The following SDK1 variants were observed in gnomAD, a reference collection of about 807,000 sequenced individuals.
SDK1 encodes the protein protein sidekick-1.
In SDK1, 157 loss-of-function variants were observed where a neutral mutation model predicts 245.5. The ratio of observed to expected loss-of-function variants is 0.64; its 90% confidence interval spans 0.56 to 0.73. The LOEUF is 0.73. Ranked by LOEUF, SDK1 falls within the 30% of genes least tolerant of loss-of-function variation. The probability of loss-of-function intolerance (pLI) is 0.00; values close to 1 mark genes in which losing one functional copy is unlikely to be tolerated. For missense variants in SDK1, 3,583 were observed against 3,002.3 expected, an observed-to-expected ratio of 1.19 and a Z score of -4.52; for synonymous variants, 1,647 against 1,278.5, an observed-to-expected ratio of 1.29 and a Z score of -6.15.
intron 4 of SDK1, among the ~76,000 whole-genome samples, chr7:3,707,589 C>T (rs1369841208): frequency 6.6e-6 from 1 of 152,116 alleles, no homozygotes; most frequent in African/African-American, 2.4e-5. Flanking sequence ...GAGTTTAAGT[C>T]CATTGTTTGT....
intron 1 of SDK1, among the ~76,000 whole-genome samples, chr7:3,347,272 C>T (rs1198787950): frequency 6.7e-6 from 1 of 149,920 alleles, no homozygotes; most frequent in Non-Finnish European, 1.5e-5. Flanking sequence ...CAACACTTGG[C>T]ACATATCTTC....
intron 28 of SDK1, among the ~76,000 whole-genome samples, chr7:4,139,914 C>G (rs2527829): frequency 0.76 from 114,802 of 152,034 alleles, 43,436 homozygotes; most frequent in East Asian, 0.89. Context: ...TCGATGGGAA[C>G]GATCTGGTAA....
intron 1 of SDK1, among the ~76,000 whole-genome samples, chr7:3,508,433 T>C (rs1465535566): frequency 6.6e-6 from 1 of 151,292 alleles, no homozygotes; most frequent in Non-Finnish European, 1.5e-5. Context: ...GTTCAAACAA[T>C]TCTCCTGCCT....
At chr7:3,659,467 A>T (rs1783287850) in intron 4 of SDK1, among the ~76,000 whole-genome samples, 1 of 152,234 alleles carries the variant, frequency 6.6e-6, no homozygotes. Context: ...ATGGGGCTGG[A>T]CATCTGCGTT....
chr7:3,865,218 G>T (rs1780791820), intron 5 of SDK1, among the ~76,000 whole-genome samples: 1 of 152,156 alleles, frequency 6.6e-6, no homozygotes, highest in African/African-American at 2.4e-5. Context: ...GGGCCCAGGG[G>T]GCTGGAGGTT....
chr7:4,268,304 C>T lies in SDK1; in HGVS notation c.*2920C>T, dbSNP rs1583213969. 31 of 1,025,704 alleles carry T rather than the reference C, an allele frequency of 3.0e-5. No homozygotes were observed. The South Asian group carries it at 1.0e-3, about 34-fold the overall frequency. 63.5% of individuals were successfully genotyped at this position (1,025,704 alleles called of 1,614,324 possible). ...GCAGAGCTCCCTCCTCCTGGGGTGC[C>T]AGGGCAGAGATTCCAGGCAGGTGAG... On this transcript the variant is annotated 3_prime_UTR_variant, in exon 45 of 45. Coordinates refer to ENST00000404826, the MANE Select transcript of SDK1 (RefSeq NM_152744.4).
chr7:3,875,875 A>G (rs1367355548), intron 5 of SDK1, among the ~76,000 whole-genome samples: 1 of 152,142 alleles, frequency 6.6e-6, no homozygotes, highest in Non-Finnish European at 1.5e-5. Context: ...TGCAGCTGGT[A>G]GGTCCTGGTG....
chr7:3,372,494 G>T (rs1028201471), intron 1 of SDK1, among the ~76,000 whole-genome samples: 4 of 152,192 alleles, frequency 2.6e-5, no homozygotes, highest in African/African-American at 9.7e-5. Flanking sequence ...ACGCCCTATT[G>T]CCTCTTACCC....
At chr7:3,589,325 C>G (rs1375600104) in intron 1 of SDK1, among the ~76,000 whole-genome samples, 1 of 151,998 alleles carries the variant, frequency 6.6e-6, no homozygotes, top group Non-Finnish European at 1.5e-5. Flanking sequence ...TACTGATCTC[C>G]CAGTTGTCAT....
At chr7:3,911,747 G>C (rs1282893158) in intron 5 of SDK1, among the ~76,000 whole-genome samples, 1 of 152,172 alleles carries the variant, frequency 6.6e-6, no homozygotes, top group African/African-American at 2.4e-5. Flanking sequence ...TGTTGGAGGA[G>C]GGAGGTCACA....
At position 3,987,029 on chromosome 7, in the gene SDK1, C is replaced by A. The variant is rs117707467; in HGVS notation, c.1995-157C>A. On this transcript the variant is annotated intron_variant, in intron 13 of 44. Coordinates refer to ENST00000404826, the MANE Select transcript of SDK1 (RefSeq NM_152744.4). ...GAAGCTGGGTTTTGTGTGTCCTTTTCTGGGGGGAAGAGAGTTAATATTTGT... is the reference window on the plus strand; with the variant it reads ...GAAGCTGGGTTTTGTGTGTCCTTTTATGGGGGGAAGAGAGTTAATATTTGT... 2.9e-4 allele frequency among the ~76,000 whole-genome samples: 44 copies of A among 152,240 alleles called. 1 individual carries two copies. In the East Asian group the frequency reaches 8.5e-3, roughly 29 times the overall value.
chr7:4,105,238 C>G (rs900033352), intron 22 of SDK1, among the ~76,000 whole-genome samples: 2 of 152,126 alleles, frequency 1.3e-5, no homozygotes, highest in Non-Finnish European at 2.9e-5. Context: ...TTGCCTTGGT[C>G]TCCCAAAGTG....
At chr7:3,619,322 G>A in intron 2 of SDK1, 83 bp downstream of exon 2, 1 of 1,156,026 alleles carries the variant, frequency 8.7e-7, no homozygotes. Context: ...ATAGCACAAT[G>A]AGTGAAAATA....
intron 1 of SDK1, among the ~76,000 whole-genome samples, chr7:3,363,033 A>G (rs1190521108): frequency 6.6e-6 from 1 of 152,140 alleles, no homozygotes; most frequent in African/African-American, 2.4e-5. Flanking sequence ...ATGTGGAGCA[A>G]TGCCACATCT....
chr7:3,543,889 C>A lies in SDK1; in HGVS notation c.299-75191C>A, dbSNP rs570950284. Among the ~76,000 whole-genome samples, 47 of 152,298 alleles carry A rather than the reference C, an allele frequency of 3.1e-4. 3 individuals carry two copies. The South Asian group carries it at 3.5e-3, about 11-fold the overall frequency. Reference sequence around the variant, plus strand: ...TATTGGTTACTTGATAGTACAAACACCAACAGCCATCTGAGTTCTGTAAAT... The same window carrying A: ...TATTGGTTACTTGATAGTACAAACAACAACAGCCATCTGAGTTCTGTAAAT... On this transcript the variant is annotated intron_variant, in intron 1 of 44. Transcript: ENST00000404826.
At chr7:3,386,344 A>G (rs1781609493) in intron 1 of SDK1, among the ~76,000 whole-genome samples, 1 of 152,196 alleles carries the variant, frequency 6.6e-6, no homozygotes, top group Non-Finnish European at 1.5e-5. Context: ...TGAATATTTT[A>G]TGTAAAACAA....
intron 25 of SDK1, among the ~76,000 whole-genome samples, chr7:4,116,446 C>T (rs116777483): frequency 0.02 from 3,048 of 152,318 alleles, 98 homozygotes; most frequent in African/African-American, 0.07. Flanking sequence ...CTGTGTGCCA[C>T]AGCGTGGAAG....
chr7:3,382,865 G>T (rs1239134375), intron 1 of SDK1, among the ~76,000 whole-genome samples: 2 of 152,060 alleles, frequency 1.3e-5, no homozygotes, highest in Non-Finnish European at 2.9e-5. Context: ...TTTTAATTCA[G>T]TAGATTTCTG....
At chr7:3,696,663 C>T (rs968760656) in intron 4 of SDK1, among the ~76,000 whole-genome samples, 1 of 151,506 alleles carries the variant, frequency 6.6e-6, no homozygotes, top group Admixed American at 6.6e-5. Context: ...TAATTATTGT[C>T]TAAATTTCTA....
Sources: allele counts gnomAD v4.1 joint callset (sites outside exome capture counted in the v4.1 genomes callset), GRCh38; gene constraint gnomAD v4.1.1; transcripts MANE v1.5; gene names NCBI Gene and HGNC (gene_info 2026-07-23, HGNC 2026-07-21).